KIF4A: variants seen among roughly 807,000 people sequenced by gnomAD.
KIF4A encodes the protein chromosome-associated kinesin KIF4A.
KIF4A carries 7 observed loss-of-function variants against 105.9 expected under a neutral mutation model. The ratio of observed to expected loss-of-function variants is 0.07; its 90% CI spans 0.04 to 0.12. The LOEUF (loss-of-function observed/expected upper bound fraction) is 0.12. KIF4A is among the 10% of genes least tolerant of loss of function. KIF4A has a pLI of 1.00. For missense variants in KIF4A, 558 were observed against 929.2 expected, an observed-to-expected ratio of 0.60 and a Z score of 5.19; for synonymous variants, 281 against 331.3, an observed-to-expected ratio of 0.85 and a Z score of 1.65.
chrX:70,346,058 C>A (rs1232614242), intron 13 of KIF4A, among the ~76,000 whole-genome samples: 1 of 111,079 alleles, frequency 9.0e-6, no homozygotes, highest in Non-Finnish European at 1.9e-5. Context: ...CGAGTTAGCC[C>A]TGCTCCACAA....
rs923315896 is a variant in KIF4A at position 70,303,323 on chromosome X, G to A, written c.778+925G>A. On this transcript the variant is annotated intron_variant, in intron 7 of 30. Coordinates refer to ENST00000374403, the MANE Select transcript of KIF4A (RefSeq NM_012310.5). ...TCATTGACATAGCTTCAGCAGTCTC[G>A]TTTGAAATTACTCTATGTTCCCTTA... Among the ~76,000 whole-genome samples, 5 of 112,026 alleles carry A rather than the reference G, an allele frequency of 4.5e-5. No individual in the cohort carries two copies. The East Asian group carries it at 1.4e-3, about 31-fold the overall frequency.
intron 7 of KIF4A, among the ~76,000 whole-genome samples, chrX:70,310,024 C>A (rs939491904): frequency 1.1e-4 from 12 of 112,382 alleles, no homozygotes; most frequent in Admixed American, 3.8e-4. Flanking sequence ...GGCTGGGTGA[C>A]AGAGTGAGAC....
At chrX:70,404,115 A>G in intron 24 of KIF4A, 81 bp downstream of exon 24, 1 of 1,089,020 alleles carries the variant, frequency 9.2e-7, no homozygotes, top group Non-Finnish European at 1.2e-6. Flanking sequence ...AAGTGGGGAT[A>G]TGAAATTTCT....
chrX:70,312,179 C>T (rs1191639613), intron 7 of KIF4A, among the ~76,000 whole-genome samples: 1 of 88,628 alleles, frequency 1.1e-5, no homozygotes, highest in African/African-American at 4.2e-5. Context: ...GAGTGTCACT[C>T]TGTTGCCCAG....
At chrX:70,366,829 T>C (rs2086105980) in intron 15 of KIF4A, among the ~76,000 whole-genome samples, 1 of 111,613 alleles carries the variant, frequency 9.0e-6, no homozygotes. Context: ...CTCATTGATC[T>C]GTCTAATGTT....
At chrX:70,362,824 A>C (rs1277868053) in intron 15 of KIF4A, among the ~76,000 whole-genome samples, 1 of 112,529 alleles carries the variant, frequency 8.9e-6, no homozygotes, top group Non-Finnish European at 1.9e-5. Flanking sequence ...GAGCCACTGC[A>C]CAAGGCCTGA....
At chrX:70,369,338 G>T (rs1436435707) in intron 15 of KIF4A, among the ~76,000 whole-genome samples, 1 of 112,185 alleles carries the variant, frequency 8.9e-6, no homozygotes, top group African/African-American at 3.2e-5. Context: ...CTTCTGCATT[G>T]CTCACGCTGG....
chrX:70,377,549 A>G (rs1314786169), intron 18 of KIF4A, among the ~76,000 whole-genome samples: 2 of 112,567 alleles, frequency 1.8e-5, no homozygotes, highest in East Asian at 5.5e-4. Flanking sequence ...ACGCCAACCA[A>G]CAACAGCAGG....
At chrX:70,349,351 G>A (rs1181575850) in intron 13 of KIF4A, among the ~76,000 whole-genome samples, 3 of 101,783 alleles carry the variant, frequency 2.9e-5, no homozygotes, top group Non-Finnish European at 6.0e-5. Flanking sequence ...CCCAGATGGG[G>A]CGGCCGGGCA....
chrX:70,376,035 C>A, intron 17 of KIF4A, 65 bp from the exon 18 acceptor site: 1 of 724,213 alleles, frequency 1.4e-6, no homozygotes, highest in Non-Finnish European at 2.1e-6. Context: ...GTAAGTCTAT[C>A]CATCCGCACC....
intron 20 of KIF4A, among the ~76,000 whole-genome samples, chrX:70,395,195 G>A (rs940189114): frequency 3.6e-5 from 4 of 112,089 alleles, no homozygotes; most frequent in Admixed American, 1.9e-4. Context: ...GCAGTGAGCC[G>A]AGATCACGCC....
In KIF4A at chrX:70,330,563, A is replaced by G. The variant is rs139838619; in HGVS notation, c.1071+231A>G. Among the ~76,000 whole-genome samples the G allele has an allele frequency of 9.8e-5, 11 of 111,815 alleles. No homozygotes were observed. In the East Asian group the frequency reaches 3.1e-3, roughly 32 times the overall value. ...GAAGTGAGCAGTGAGAGATGAGATG[A>G]GAGGTGTAGACAGGGGCTAAATTCT... is the stretch of plus-strand genomic sequence containing the variant. On this transcript the variant is annotated intron_variant, in intron 9 of 30. Transcript: ENST00000374403.
chrX:70,305,385 A>G (rs1485301266), intron 7 of KIF4A, among the ~76,000 whole-genome samples: 2 of 111,793 alleles, frequency 1.8e-5, no homozygotes, highest in Non-Finnish European at 3.8e-5. Flanking sequence ...CCTAGGCAAT[A>G]ACCAATCCTC....
At chrX:70,329,707 G>A (rs765151012) in intron 8 of KIF4A, among the ~76,000 whole-genome samples, 186 bp downstream of exon 8, 1 of 112,337 alleles carries the variant, frequency 8.9e-6, no homozygotes, top group Admixed American at 9.4e-5. Context: ...CTTCATATAT[G>A]ACATTGAGAG....
In KIF4A at chrX:70,403,943, A is replaced by C. The variant is rs779943103; in HGVS notation, c.2699A>C (p.Lys900Thr). 5.8e-6 allele frequency: 7 copies of C among 1,210,173 alleles called. No individual in the cohort carries two copies. The African/African-American group carries it at 8.7e-5, about 15-fold the overall frequency. ...QSKTSCADMQ[K>T]MLFEERNHFA... The stretch of plus-strand genomic sequence containing the variant: ...AAGACCAGCTGTGCTGACATGCAGA[A>C]GATGCTGTTTGAGGAACGAAATCAT... Residue 900 changes from lysine to threonine, a missense_variant, in exon 24 of 31, where the codon AAG becomes ACG. Lys to Thr is a moderately conservative substitution (Grantham distance 78). Transcript: ENST00000374403.
chrX:70,383,357 A>C (rs763542487), intron 18 of KIF4A, among the ~76,000 whole-genome samples: 1 of 112,340 alleles, frequency 8.9e-6, no homozygotes, highest in African/African-American at 3.2e-5. Flanking sequence ...ATGGCTATAA[A>C]CAAAAAGACA....
intron 28 of KIF4A, 140 bp downstream of exon 28, chrX:70,407,215 C>A: frequency 1.5e-6 from 1 of 656,881 alleles, no homozygotes; most frequent in Non-Finnish European, 2.2e-6. Context: ...TCAAGTAATT[C>A]TCGTGTCTCA....
chrX:70,355,818 A>G, intron 15 of KIF4A, among the ~76,000 whole-genome samples: 1 of 111,479 alleles, frequency 9.0e-6, no homozygotes. Context: ...AGGACCCTAC[A>G]ACAAGTACTC....
chrX:70,374,110 C>T, intron 15 of KIF4A, 41 bp from the exon 16 acceptor site: 2 of 818,157 alleles, frequency 2.4e-6, no homozygotes, highest in Non-Finnish European at 3.6e-6. Context: ...CTTCCTGTGC[C>T]ATATAATGTC....
Sources: allele counts gnomAD v4.1 joint callset (sites outside exome capture counted in the v4.1 genomes callset), GRCh38; gene constraint gnomAD v4.1.1; transcripts MANE v1.5; gene names NCBI Gene and HGNC (gene_info 2026-07-23, HGNC 2026-07-21).